SMOC2: variants seen among roughly 807,000 people sequenced by gnomAD.
SMOC2 encodes the protein SPARC related modular calcium binding 2, also known as SPARC-related modular calcium-binding protein 2.
SMOC2 carries 39 observed loss-of-function variants against 61.4 expected under a neutral mutation model. The ratio of observed to expected loss-of-function variants is 0.64; its 90% CI spans 0.49 to 0.83. The LOEUF (loss-of-function observed/expected upper bound fraction) is 0.83, where lower values mean the gene tolerates loss of function less well. Ranked by LOEUF, SMOC2 falls within the 40% of genes least tolerant of loss-of-function variation. SMOC2 has a pLI of 0.00. For missense variants in SMOC2, 556 were observed against 592.9 expected (o/e 0.94, Z 0.65); for synonymous variants, 247 against 239.9 (o/e 1.03, Z -0.27).
intron 7 of SMOC2, among the ~76,000 whole-genome samples, chr6:168,577,613 C>T (rs1477890831): frequency 1.3e-5 from 2 of 152,200 alleles, no homozygotes; most frequent in African/African-American, 2.4e-5. Flanking sequence ...CTGGGTGACA[C>T]GCACCCTCAT....
At chr6:168,527,514 G>A in intron 3 of SMOC2, 114 bp from the exon 4 acceptor site, 1 of 708,916 alleles carries the variant, frequency 1.4e-6, no homozygotes, top group Non-Finnish European at 2.5e-6. Context: ...AGTAGCTCTG[G>A]GTATCCCAGG....
chr6:168,610,241 C>T (rs959337455), intron 9 of SMOC2, among the ~76,000 whole-genome samples: 2 of 152,164 alleles, frequency 1.3e-5, no homozygotes, highest in Admixed American at 6.5e-5. Context: ...ACAATGAAGA[C>T]GGCGTTTCCT....
intron 7 of SMOC2, among the ~76,000 whole-genome samples, chr6:168,584,544 A>G (rs763542097): frequency 2.0e-5 from 3 of 152,210 alleles, no homozygotes; most frequent in Non-Finnish European, 4.4e-5. Flanking sequence ...CCTCTTAAAA[A>G]AAAAAAGCAT....
intron 1 of SMOC2, among the ~76,000 whole-genome samples, chr6:168,482,772 C>T (rs1049325612): frequency 2.0e-5 from 3 of 152,012 alleles, no homozygotes; most frequent in South Asian, 2.1e-4. Context: ...CAATGTAATA[C>T]ATCATAGTAA....
chr6:168,588,360 G>A (rs9456223), intron 7 of SMOC2, among the ~76,000 whole-genome samples: 31,881 of 151,594 alleles, frequency 0.21, 3,688 homozygotes, highest in South Asian at 0.28. Flanking sequence ...CTGACTTCAG[G>A]TGATCCACCC....
intron 1 of SMOC2, among the ~76,000 whole-genome samples, chr6:168,471,252 T>C (rs953307019): frequency 2.0e-5 from 3 of 152,248 alleles, no homozygotes; most frequent in African/African-American, 7.2e-5. Flanking sequence ...TTCTACTTTC[T>C]GTCTCTATCA....
At chr6:168,603,276 C>T (rs1386458673) in intron 8 of SMOC2, among the ~76,000 whole-genome samples, 10 of 134,650 alleles carry the variant, frequency 7.4e-5, no homozygotes, top group African/African-American at 2.5e-4. Context: ...TAGAAATTAC[C>T]GAGTCTCAGG....
At chr6:168,484,032 C>T (rs1562550612) in intron 1 of SMOC2, among the ~76,000 whole-genome samples, 1 of 152,170 alleles carries the variant, frequency 6.6e-6, no homozygotes, top group Non-Finnish European at 1.5e-5. Flanking sequence ...TTAGATCTGG[C>T]AGTGACTTCT....
At chr6:168,571,625 T>C (rs766528249) in intron 7 of SMOC2, among the ~76,000 whole-genome samples, 2 of 152,126 alleles carry the variant, frequency 1.3e-5, no homozygotes, top group Non-Finnish European at 2.9e-5. Context: ...CTGTGTGTAG[T>C]ATTTTGGTAG....
At chr6:168,638,489 G>A (rs918228173) in intron 9 of SMOC2, among the ~76,000 whole-genome samples, 1 of 152,142 alleles carries the variant, frequency 6.6e-6, no homozygotes, top group Non-Finnish European at 1.5e-5. Flanking sequence ...GTGGGAGGTG[G>A]GTTTTAGCCG....
chr6:168,492,551 G>A (rs986879798), intron 1 of SMOC2, among the ~76,000 whole-genome samples: 11 of 152,308 alleles, frequency 7.2e-5, no homozygotes, highest in South Asian at 2.1e-4. Context: ...AAAAAGTGTG[G>A]CAGAAAATAT....
chr6:168,503,264 G>A (rs60787970), intron 1 of SMOC2, among the ~76,000 whole-genome samples: 6 of 151,162 alleles, frequency 4.0e-5, no homozygotes, highest in African/African-American at 1.5e-4. Flanking sequence ...TTTTAGTAGA[G>A]ACGGGGTTTC....
rs1785497501 is a variant in SMOC2, at chr6:168,599,997, AGTCT to A, written c.824+997_824+1000del. Among the ~76,000 whole-genome samples, 7 of 152,024 alleles carry A rather than the reference AGTCT, an allele frequency of 4.6e-5. No homozygotes were observed. The South Asian group carries it at 1.2e-3, about 27-fold the overall frequency. ...TCTCCCCACACACACACTCACACAC[AGTCT>A]GTCCATCAGCTGTGGGTGTTGCACC... On this transcript the variant is annotated intron_variant, in intron 8 of 12. Coordinates refer to ENST00000356284, the MANE Select transcript of SMOC2 (RefSeq NM_001166412.2).
At chr6:168,613,256 G>A (rs552447074) in intron 9 of SMOC2, among the ~76,000 whole-genome samples, 15 of 152,246 alleles carry the variant, frequency 9.9e-5, no homozygotes, top group Middle Eastern at 3.4e-3. Flanking sequence ...GAAGTCTGAC[G>A]TATCCTGTGA....
At position 168,452,738 on chromosome 6, in the gene SMOC2, A is replaced by G. The variant is rs753790806; in HGVS notation, c.84+11284A>G. 6.6e-6 allele frequency among the ~76,000 whole-genome samples: 1 copy of G among 152,166 alleles called. No individual in the cohort carries two copies. The highest frequency in any genetic ancestry group is 2.4e-5 in the African/African-American group (1 of 41,426). On this transcript the variant is annotated intron_variant, in intron 1 of 12. Coordinates refer to ENST00000356284, the MANE Select transcript of SMOC2 (RefSeq NM_001166412.2). This position sits in a 1 kb window ranked among gnomAD's most constrained non-coding sequence, Gnocchi z 5.0. Reference sequence around the variant, plus strand: ...ATTCCTAGTCCCTTCCCTCATTTCTACTACCTTTTAATTTCGTTTTGTTTT... The same window carrying G: ...ATTCCTAGTCCCTTCCCTCATTTCTGCTACCTTTTAATTTCGTTTTGTTTT...
intron 9 of SMOC2, among the ~76,000 whole-genome samples, chr6:168,648,911 C>T (rs1214065934): frequency 6.6e-6 from 1 of 152,194 alleles, no homozygotes; most frequent in African/African-American, 2.4e-5. Context: ...GGCTGGTCTC[C>T]GAACGACTTG....
chr6:168,500,507 C>T (rs142569210), intron 1 of SMOC2, among the ~76,000 whole-genome samples: 23 of 152,160 alleles, frequency 1.5e-4, no homozygotes, highest in African/African-American at 5.3e-4. Flanking sequence ...CTAGGGTCTC[C>T]GCGTGGTCAT....
At chr6:168,477,827 A>G (rs1253491558) in intron 1 of SMOC2, among the ~76,000 whole-genome samples, 1 of 152,196 alleles carries the variant, frequency 6.6e-6, no homozygotes, top group Admixed American at 6.5e-5. Flanking sequence ...AAAAATACAC[A>G]ACAAAAGTAA....
intron 9 of SMOC2, among the ~76,000 whole-genome samples, chr6:168,608,644 A>G (rs1421908386): frequency 6.6e-6 from 1 of 152,208 alleles, no homozygotes; most frequent in African/African-American, 2.4e-5. Flanking sequence ...TCATGAAGCT[A>G]AAGTTTAGGT....
Sources: allele counts gnomAD v4.1 joint callset (sites outside exome capture counted in the v4.1 genomes callset), GRCh38; gene constraint gnomAD v4.1.1; non-coding constraint Gnocchi (gnomAD v3.1); transcripts MANE v1.5; gene names NCBI Gene and HGNC (gene_info 2026-07-23, HGNC 2026-07-21).